Variants in TTC27 observed in about 807,000 individuals in gnomAD.
TTC27 encodes tetratricopeptide repeat domain 27, also known as tetratricopeptide repeat protein 27.
Under a neutral mutation model 115.9 loss-of-function variants are expected in TTC27, and 79 were observed. The ratio of observed to expected loss-of-function variants is 0.68; its 90% CI spans 0.57 to 0.82. The LOEUF (loss-of-function observed/expected upper bound fraction) is 0.82, where lower values mean the gene tolerates loss of function less well. Among genes scored for constraint, TTC27 ranks in the 40% least tolerant of loss-of-function variants. The probability of loss-of-function intolerance (pLI) is 0.00; values close to 1 mark genes in which losing one functional copy is unlikely to be tolerated. For synonymous variants in TTC27, 401 were observed against 356.0 expected (o/e 1.13, Z -1.42); for missense variants, 1,054 against 993.1 (o/e 1.06, Z -0.82).
intron 9 of TTC27, among the ~76,000 whole-genome samples, chr2:32,687,122 G>A (rs550977531): frequency 2.6e-5 from 4 of 152,168 alleles, no homozygotes; most frequent in African/African-American, 9.7e-5. Flanking sequence ...GAGATTACAG[G>A]CATGAGCCAC....
At chr2:32,739,926 T>G (rs12996785) in intron 12 of TTC27, among the ~76,000 whole-genome samples, 20,995 of 152,200 alleles carry the variant, frequency 0.14, 1,799 homozygotes, top group Middle Eastern at 0.26. Context: ...AAAGGCAAAT[T>G]TGGAGAAATG....
chr2:32,729,850 C>T (rs1433229004), intron 10 of TTC27, among the ~76,000 whole-genome samples: 2 of 152,038 alleles, frequency 1.3e-5, no homozygotes, highest in African/African-American at 4.8e-5. Context: ...ATCATCTTTC[C>T]TTAAAGACCA....
At chr2:32,769,220 C>A (rs933325465) in intron 13 of TTC27, among the ~76,000 whole-genome samples, 1 of 152,128 alleles carries the variant, frequency 6.6e-6, no homozygotes, top group Non-Finnish European at 1.5e-5. Flanking sequence ...ACATCAGAGT[C>A]TTGGTCAGAG....
In TTC27 at chr2:32,820,908, C is replaced by T; in HGVS notation, c.2502C>T (p.Asp834=). Residue 834 remains aspartate (D), a synonymous_variant, in exon 20 of 20, where the codon GAC becomes GAT. Transcript: ENST00000317907. ...AMDTLVTELQ[D]LSNQFRNQY ...ACACCTTAGTGACAGAGCTCCAAGA[C>T]CTAAGCAACCAGTTTCGAAATCAGT... 1.3e-6 allele frequency: 2 copies of T among 1,527,532 alleles called. No individual in the cohort carries two copies. Among genetic ancestry groups the T allele is most frequent in the South Asian group, 1.3e-5 (1 of 79,676 alleles). 94.6% of individuals were successfully genotyped at this position (1,527,532 alleles called of 1,614,324 possible). A position where few individuals can be genotyped will look rare whatever the true frequency, so the allele number is the denominator to read the frequency against.
chr2:32,679,018 G>A, intron 9 of TTC27, 96 bp downstream of exon 9: 2 of 999,752 alleles, frequency 2.0e-6, no homozygotes, highest in South Asian at 1.5e-5. Context: ...TTGAAACACT[G>A]CCACCTAAGG....
chr2:32,784,541 G>T (rs894864561), intron 15 of TTC27, among the ~76,000 whole-genome samples: 1 of 152,040 alleles, frequency 6.6e-6, no homozygotes, highest in Non-Finnish European at 1.5e-5. Flanking sequence ...GATTCCCCTC[G>T]ATATCATGTT....
chr2:32,630,538 T>C lies in TTC27; in HGVS notation c.104T>C (p.Leu35Pro). The C allele has an allele frequency of 6.2e-7, 1 of 1,606,936 alleles. No homozygotes were observed. The highest frequency in any genetic ancestry group is 8.5e-7 in the Non-Finnish European group (1 of 1,177,606). Residue 35 changes from leucine (L) to proline (P), a missense_variant, in exon 2 of 20, where the codon CTA (leucine) becomes CCA (proline). Leu to Pro is a moderately conservative substitution (Grantham distance 98). Transcript: ENST00000317907. The stretch of plus-strand genomic sequence containing the variant: ...TATATTACAGAGAGTGGATCTTTCC[T>C]ACAATTGCTACTGGAAGGGAACTAT... Reference protein sequence around the residue: ...GVVGSESGSFLQLLLEGNYEA... With the variant: ...GVVGSESGSFPQLLLEGNYEA...
chr2:32,668,606 G>T (rs1014964893), intron 7 of TTC27, among the ~76,000 whole-genome samples: 19 of 72,170 alleles, frequency 2.6e-4, no homozygotes, highest in Non-Finnish European at 7.3e-5. Context: ...TTTTTAAATG[G>T]AGATGAGTTC....
At chr2:32,634,185 A>G (rs150576173) in intron 3 of TTC27, among the ~76,000 whole-genome samples, 180 bp downstream of exon 3, 6 of 152,210 alleles carry the variant, frequency 3.9e-5, no homozygotes, top group Admixed American at 2.6e-4. Flanking sequence ...TCCTTTGTCA[A>G]ACTCCTCTTC....
intron 13 of TTC27, among the ~76,000 whole-genome samples, chr2:32,759,638 G>A (rs771366821): frequency 1.1e-4 from 17 of 152,078 alleles, no homozygotes; most frequent in Non-Finnish European, 2.5e-4. Flanking sequence ...ATAGTGTTAG[G>A]TACATTCCCA....
chr2:32,642,970 A>G, intron 4 of TTC27, among the ~76,000 whole-genome samples: 1 of 151,410 alleles, frequency 6.6e-6, no homozygotes. Context: ...TTCCCAGCCT[A>G]GAAAGGTTTT....
At chr2:32,744,227 G>A (rs2151920428) in intron 12 of TTC27, among the ~76,000 whole-genome samples, 2 of 152,160 alleles carry the variant, frequency 1.3e-5, no homozygotes, top group Middle Eastern at 6.8e-3. Flanking sequence ...TGATCTCCTT[G>A]GTTTGTATCT....
In TTC27 at chr2:32,635,651, T is replaced by C. The variant is rs577869307; in HGVS notation, c.396+1646T>C. ...GTGAGCCAAGATCACGCCACTGCAC[T>C]CCAGCCTGGGTGACAGAGTGAGACT... On this transcript the variant is annotated intron_variant, in intron 3 of 19. Transcript: ENST00000317907. 2.2e-4 allele frequency among the ~76,000 whole-genome samples: 33 copies of C among 152,034 alleles called. No homozygotes were observed. The South Asian group carries it at 3.9e-3, about 18-fold the overall frequency.
rs995032968 is a variant in TTC27, at chr2:32,687,036, G to T, written c.1119+8114G>T. The stretch of plus-strand genomic sequence containing the variant: ...GTTTTCGTATTTTTAGTAGAGATGG[G>T]GTTTCACTGTGTTGGCCAGGCTAGT... On this transcript the variant is annotated intron_variant, in intron 9 of 19. Coordinates refer to ENST00000317907, the MANE Select transcript of TTC27 (RefSeq NM_017735.5). Among the ~76,000 whole-genome samples, 7 of 151,886 alleles carry T rather than the reference G, an allele frequency of 4.6e-5. No homozygotes were observed. In the South Asian group the frequency reaches 1.3e-3, roughly 27 times the overall value.
intron 9 of TTC27, among the ~76,000 whole-genome samples, chr2:32,686,012 T>TACA (rs1666616330): frequency 6.6e-6 from 1 of 152,166 alleles, no homozygotes; most frequent in Non-Finnish European, 1.5e-5. Flanking sequence ...GTTCTTAGAA[T>TACA]ACAAGGTCAA....
intron 10 of TTC27, among the ~76,000 whole-genome samples, chr2:32,720,503 A>G (rs1195809323): frequency 6.6e-6 from 1 of 152,176 alleles, no homozygotes; most frequent in Non-Finnish European, 1.5e-5. Context: ...TTAGTGTAGT[A>G]ACAAGCCCCA....
intron 19 of TTC27, among the ~76,000 whole-genome samples, chr2:32,819,759 T>C (rs1246139645): frequency 6.6e-6 from 1 of 152,146 alleles, no homozygotes; most frequent in Non-Finnish European, 1.5e-5. Flanking sequence ...GAAGGGGCTG[T>C]TCATGAGAGT....
At chr2:32,784,317 C>A (rs1242995291) in intron 15 of TTC27, among the ~76,000 whole-genome samples, 4 of 152,200 alleles carry the variant, frequency 2.6e-5, no homozygotes, top group African/African-American at 9.6e-5. Context: ...GTTGTAAGGT[C>A]TGAGATAAAT....
rs988348015 is a variant in TTC27 at position 32,686,415 on chromosome 2, G to A, written c.1119+7493G>A. ...TAGTCTTACTCTGTTACCCAGGCTG[G>A]AGCGCAAAGGCACGATCTTAGCTTA... On this transcript the variant is annotated intron_variant, in intron 9 of 19. Transcript: ENST00000317907. Among the ~76,000 whole-genome samples, 11 of 152,030 alleles carry A rather than the reference G, an allele frequency of 7.2e-5. No homozygotes were observed. In the East Asian group the frequency reaches 2.1e-3, roughly 29 times the overall value.
Sources: allele counts gnomAD v4.1 joint callset (sites outside exome capture counted in the v4.1 genomes callset), GRCh38; gene constraint gnomAD v4.1.1; transcripts MANE v1.5; gene names NCBI Gene and HGNC (gene_info 2026-07-23, HGNC 2026-07-21).